The following SEPTIN9 variants were observed in gnomAD, a reference collection of about 807,000 sequenced individuals.
The protein encoded by SEPTIN9 is septin 9.
A neutral mutation model predicts 56.6 loss-of-function variants in SEPTIN9; 13 were observed. The observed-to-expected ratio is 0.23, with a 90% CI of 0.15 to 0.37. The LOEUF is 0.37. Ranked by LOEUF, SEPTIN9 falls within the 10% of genes least tolerant of loss-of-function variation. The pLI is 1.00. For missense variants in SEPTIN9, 650 were observed against 823.1 expected (o/e 0.79, Z 2.57); for synonymous variants, 332 against 334.1 (o/e 0.99, Z 0.07).
At chr17:77,494,573 G>A (rs892004328) in intron 10 of SEPTIN9, among the ~76,000 whole-genome samples, 2 of 152,164 alleles carry the variant, frequency 1.3e-5, no homozygotes, top group Non-Finnish European at 2.9e-5. Context: ...TTGGGAAGCT[G>A]TTGCTCTAAA....
At chr17:77,348,426 G>A (rs993645960) in intron 2 of SEPTIN9, among the ~76,000 whole-genome samples, 1 of 148,890 alleles carries the variant, frequency 6.7e-6, no homozygotes, top group Non-Finnish European at 1.5e-5. Flanking sequence ...AGCTTCCCTA[G>A]TATACTGGGA....
chr17:77,434,923 AC>A lies in SEPTIN9; in HGVS notation c.721+32222del, dbSNP rs1488026653. On this transcript the variant is annotated intron_variant, in intron 3 of 11. Transcript: ENST00000427177. The surrounding 1 kb of genome is among the most constrained non-coding windows in gnomAD (Gnocchi z 5.0). ...AAGGAGGCGCTGCAGGGGAGCAGAG[AC>A]CTCACCCTTCCTCTGCCGACATCAG... Among the ~76,000 whole-genome samples, 6 of 151,912 alleles carry A rather than the reference AC, an allele frequency of 3.9e-5. No homozygotes were observed. The highest frequency in any genetic ancestry group is 3.9e-4 in the Admixed American group (6 of 15,270).
chr17:77,322,932 G>A (rs1476756689), intron 2 of SEPTIN9: 1 of 152,486 alleles, frequency 6.6e-6, no homozygotes, highest in Non-Finnish European at 1.5e-5. Context: ...CCGGCCCGCT[G>A]ACTTCCAGAC....
chr17:77,454,394 C>A, intron 3 of SEPTIN9: 2 of 985,294 alleles, frequency 2.0e-6, no homozygotes, highest in African/African-American at 3.5e-5. Context: ...CTCAGCAGAG[C>A]CTTGGGAAGC....
At chr17:77,293,789 T>C (rs2143528354) in intron 1 of SEPTIN9, among the ~76,000 whole-genome samples, 1 of 152,286 alleles carries the variant, frequency 6.6e-6, no homozygotes, top group South Asian at 2.1e-4. Context: ...CTTTGTAATA[T>C]CGTTTTCTAT....
intron 2 of SEPTIN9, among the ~76,000 whole-genome samples, chr17:77,365,314 CTCTCTCTT>C (rs1478742799): frequency 3.3e-5 from 5 of 151,892 alleles, no homozygotes; most frequent in African/African-American, 9.7e-5. Context: ...GTACCTCTTT[CTCTCTCTT>C]TCTCTCTTTC....
At position 77,310,416 on chromosome 17, in the gene SEPTIN9, C is replaced by T. The variant is rs572505193; in HGVS notation, c.76+3219C>T. Among the ~76,000 whole-genome samples, 9 of 152,226 alleles carry T rather than the reference C, an allele frequency of 5.9e-5. No individual in the cohort carries two copies. Among genetic ancestry groups the T allele is most frequent in the Admixed American group, 1.3e-4 (2 of 15,276 alleles). ...GTGGCTGCCCTGCCTGTGCCCACAA[C>T]GTGACGGCGTGGAGACTTATCCGTG... On this transcript the variant is annotated intron_variant, in intron 2 of 11. Transcript: ENST00000427177. This position sits in a 1 kb window ranked among gnomAD's most constrained non-coding sequence, Gnocchi z 4.7.
At position 77,487,685 on chromosome 17, in the gene SEPTIN9, T is replaced by C; in HGVS notation, c.1042+133T>C. 1 of 651,422 alleles carries C rather than the reference T, an allele frequency of 1.5e-6. No individual in the cohort carries two copies. 40.4% of individuals were successfully genotyped at this position (651,422 alleles called of 1,614,324 possible). ...GGGGTGCAGGACTCCTCTGCCTTCC[T>C]GGAGCACAGAGTGGGGGGTCAAGAC... On this transcript the variant is annotated intron_variant, in intron 5 of 11. Transcript: ENST00000427177. The surrounding 1 kb of genome is among the most constrained non-coding windows in gnomAD (Gnocchi z 4.3).
chr17:77,361,048 C>T (rs2034401848), intron 2 of SEPTIN9, among the ~76,000 whole-genome samples: 1 of 151,182 alleles, frequency 6.6e-6, no homozygotes, highest in South Asian at 2.1e-4. Context: ...CTCAGCCTCC[C>T]AAGTAGCTGG....
chr17:77,455,698 G>A (rs1488979438), intron 3 of SEPTIN9, among the ~76,000 whole-genome samples: 3 of 152,216 alleles, frequency 2.0e-5, no homozygotes, highest in Admixed American at 6.5e-5. Context: ...TCACTAGAAC[G>A]GACATGAGGA....
At chr17:77,439,697 C>G (rs990356262) in intron 3 of SEPTIN9, among the ~76,000 whole-genome samples, 1 of 152,192 alleles carries the variant, frequency 6.6e-6, no homozygotes, top group Non-Finnish European at 1.5e-5. Context: ...TGCTTCATGG[C>G]ACTTTATGAC....
chr17:77,448,853 G>A (rs536038186), intron 3 of SEPTIN9, among the ~76,000 whole-genome samples: 2 of 151,272 alleles, frequency 1.3e-5, no homozygotes, highest in Non-Finnish European at 2.9e-5. Flanking sequence ...GCACGATCTC[G>A]GCTCACTGCA....
rs141423617 is a variant in SEPTIN9, at chr17:77,487,247, C to T, written c.914-177C>T. 2.6e-5 allele frequency among the ~76,000 whole-genome samples: 4 copies of T among 152,306 alleles called. No individual in the cohort carries two copies. The highest frequency in any genetic ancestry group is 5.9e-5 in the Non-Finnish European group (4 of 68,016). On this transcript the variant is annotated intron_variant, in intron 4 of 11. Coordinates refer to ENST00000427177, the MANE Select transcript of SEPTIN9 (RefSeq NM_001113491.2). The surrounding 1 kb of genome is among the most constrained non-coding windows in gnomAD (Gnocchi z 4.3). ...TGTGGGTTTACACAGTCACTGGACA[C>T]CCGGCTCGAGGGTGAAGTCCTCGGG...
In SEPTIN9 at chr17:77,367,178, C is replaced by T. The variant is rs1849521742; in HGVS notation, c.77-34881C>T. 6.6e-6 allele frequency among the ~76,000 whole-genome samples: 1 copy of T among 152,198 alleles called. No homozygotes were observed. Among genetic ancestry groups the T allele is most frequent in the African/African-American group, 2.4e-5 (1 of 41,456 alleles). ...GTGGCCTGAAAGAGACTTAGTGGTC[C>T]ACAGCCTGGTGGCTGCTCCCAGTAC... On this transcript the variant is annotated intron_variant, in intron 2 of 11. Coordinates refer to ENST00000427177, the MANE Select transcript of SEPTIN9 (RefSeq NM_001113491.2). The surrounding 1 kb of genome is among the most constrained non-coding windows in gnomAD (Gnocchi z 4.5).
At chr17:77,422,261 C>T (rs1050021757) in intron 3 of SEPTIN9, among the ~76,000 whole-genome samples, 3 of 152,196 alleles carry the variant, frequency 2.0e-5, no homozygotes, top group Admixed American at 2.0e-4. Flanking sequence ...ACCTCCTGGG[C>T]GCGTGGTCAG....
At chr17:77,401,094 T>G (rs2035881701) in intron 2 of SEPTIN9, among the ~76,000 whole-genome samples, 1 of 152,176 alleles carries the variant, frequency 6.6e-6, no homozygotes, top group African/African-American at 2.4e-5. Context: ...ACCAAGTGGT[T>G]AGAACCTTGG....
chr17:77,361,807 T>C (rs1383689835), intron 2 of SEPTIN9, among the ~76,000 whole-genome samples: 3 of 151,454 alleles, frequency 2.0e-5, no homozygotes. Flanking sequence ...TAATTTTTTG[T>C]ATTTTTAGTA....
At chr17:77,363,647 C>T (rs2143863418) in intron 2 of SEPTIN9, among the ~76,000 whole-genome samples, 1 of 152,080 alleles carries the variant, frequency 6.6e-6, no homozygotes, top group East Asian at 1.9e-4. Flanking sequence ...CTTGGCCTCC[C>T]AAAGTGCTGG....
chr17:77,480,091 C>G (rs2039392757), intron 3 of SEPTIN9, among the ~76,000 whole-genome samples: 1 of 152,148 alleles, frequency 6.6e-6, no homozygotes. Context: ...CGTGGGGGCA[C>G]AGAGAGAGGA....
Sources: allele counts gnomAD v4.1 joint callset (sites outside exome capture counted in the v4.1 genomes callset), GRCh38; gene constraint gnomAD v4.1.1; non-coding constraint Gnocchi (gnomAD v3.1); transcripts MANE v1.5; gene names NCBI Gene and HGNC (gene_info 2026-07-23, HGNC 2026-07-21).